DLG2: variants seen among roughly 807,000 people sequenced by gnomAD.
DLG2 encodes discs large MAGUK scaffold protein 2, also known as disks large homolog 2.
In DLG2, 45 loss-of-function variants were observed where a neutral mutation model predicts 132.5. That is an observed-to-expected ratio of 0.34 (90% CI 0.27 to 0.44). The LOEUF is 0.44. Among genes scored for constraint, DLG2 ranks in the 20% least tolerant of loss-of-function variants. The pLI is 1.00. For synonymous variants in DLG2, 424 were observed against 419.6 expected, an observed-to-expected ratio of 1.01 and a Z score of -0.13; for missense variants, 1,045 against 1,196.9, an observed-to-expected ratio of 0.87 and a Z score of 1.87.
chr11:85,556,618 A>G (rs1279618993), intron 3 of DLG2, among the ~76,000 whole-genome samples: 1 of 151,908 alleles, frequency 6.6e-6, no homozygotes, highest in African/African-American at 2.4e-5. Context: ...TAACTAATTT[A>G]CTTATTAAGA....
At chr11:84,986,134 A>T (rs370005196) in intron 6 of DLG2, among the ~76,000 whole-genome samples, 32 of 152,050 alleles carry the variant, frequency 2.1e-4, no homozygotes, top group African/African-American at 7.0e-4. Context: ...TACAACTGAC[A>T]CCACAGAGTT....
intron 11 of DLG2, among the ~76,000 whole-genome samples, chr11:84,017,152 G>A (rs1241798912): frequency 6.6e-6 from 1 of 151,936 alleles, no homozygotes; most frequent in African/African-American, 2.4e-5. Context: ...TTTCAAACTG[G>A]GAAGAGCAAA....
intron 3 of DLG2, among the ~76,000 whole-genome samples, chr11:85,358,525 A>G (rs1447163722): frequency 1.3e-5 from 2 of 152,194 alleles, no homozygotes; most frequent in African/African-American, 2.4e-5. Flanking sequence ...ACCAGAGATA[A>G]TGAGGTGCTG....
chr11:84,637,212 C>A (rs1349161511), intron 6 of DLG2, among the ~76,000 whole-genome samples: 2 of 152,108 alleles, frequency 1.3e-5, no homozygotes, highest in Non-Finnish European at 2.9e-5. Context: ...TCAGATAAGG[C>A]CACCTCGAGA....
intron 8 of DLG2, among the ~76,000 whole-genome samples, chr11:84,192,796 A>T (rs917671885): frequency 2.0e-5 from 3 of 152,192 alleles, no homozygotes; most frequent in African/African-American, 4.8e-5. Context: ...AATGTTTCTT[A>T]TGAATTAAAC....
intron 6 of DLG2, among the ~76,000 whole-genome samples, chr11:84,883,858 T>C (rs1237458100): frequency 6.6e-6 from 1 of 152,152 alleles, no homozygotes; most frequent in Non-Finnish European, 1.5e-5. Flanking sequence ...GCTGTGTGTC[T>C]GGATCTTCAT....
At position 83,790,249 on chromosome 11, in the gene DLG2, A is replaced by T. The variant is rs555933318; in HGVS notation, c.1723-3457T>A. 9.3e-5 allele frequency: 85 copies of T among 915,450 alleles called. No individual in the cohort carries two copies. The South Asian group carries it at 1.1e-3, about 12-fold the overall frequency. 56.7% of individuals were successfully genotyped at this position (915,450 alleles called of 1,614,324 possible). A position where few individuals can be genotyped will look rare whatever the true frequency, so the allele number is the denominator to read the frequency against. The stretch of plus-strand genomic sequence containing the variant: ...TATGCCCTTCCACATTTGGCTGTTC[A>T]TAAAAGCTAAACCTACCATTTGAGT... On this transcript the variant is annotated intron_variant, in intron 17 of 27. Coordinates refer to ENST00000376104, the MANE Select transcript of DLG2 (RefSeq NM_001142699.3).
chr11:84,383,264 A>C (rs533377425), intron 7 of DLG2, among the ~76,000 whole-genome samples: 1 of 151,588 alleles, frequency 6.6e-6, no homozygotes, highest in Non-Finnish European at 1.5e-5. Context: ...TCCCCCGAGA[A>C]GATTTTCTGG....
At chr11:84,552,090 C>G (rs61897759) in intron 6 of DLG2, among the ~76,000 whole-genome samples, 89 of 152,142 alleles carry the variant, frequency 5.8e-4, no homozygotes, top group African/African-American at 2.1e-3. Flanking sequence ...ATCTCAGTAA[C>G]CCCCTGGCAC....
chr11:84,011,448 G>T (rs1200579261), intron 11 of DLG2, among the ~76,000 whole-genome samples: 1 of 151,944 alleles, frequency 6.6e-6, no homozygotes, highest in Non-Finnish European at 1.5e-5. Context: ...TCCAGCTTGG[G>T]TGACAGAGTA....
chr11:83,888,748 C>T (rs575496378), intron 15 of DLG2, among the ~76,000 whole-genome samples: 1 of 152,064 alleles, frequency 6.6e-6, no homozygotes, highest in South Asian at 2.1e-4. Flanking sequence ...GTACTGGTAC[C>T]AAAACAGAGA....
At position 84,113,331 on chromosome 11, in the gene DLG2, G is replaced by A. The variant is rs1418185876; in HGVS notation, c.625-14284C>T. 2.0e-5 allele frequency among the ~76,000 whole-genome samples: 3 copies of A among 152,086 alleles called. No homozygotes were observed. In the East Asian group the frequency reaches 5.8e-4, roughly 29 times the overall value. ...TTCTATAGAAAAATAAAAATACTGT[G>A]CAATTATTTCAGTTGCAAGCTAAAC... On this transcript the variant is annotated intron_variant, in intron 9 of 27. Coordinates refer to ENST00000376104, the MANE Select transcript of DLG2 (RefSeq NM_001142699.3).
intron 19 of DLG2, among the ~76,000 whole-genome samples, chr11:83,560,448 A>G (rs1309157809): frequency 6.6e-6 from 1 of 152,160 alleles, no homozygotes; most frequent in Non-Finnish European, 1.5e-5. Context: ...CATTTGGAGG[A>G]AAAGTACAAG....
chr11:84,404,993 T>C (rs79192978), intron 7 of DLG2, among the ~76,000 whole-genome samples: 4,991 of 152,168 alleles, frequency 0.033, 138 homozygotes, highest in South Asian at 0.16. Context: ...ACTATTATAA[T>C]AGGGAAAAGG....
chr11:83,939,223 A>G (rs142963456), intron 14 of DLG2, among the ~76,000 whole-genome samples: 1 of 152,300 alleles, frequency 6.6e-6, no homozygotes, highest in Non-Finnish European at 1.5e-5. Flanking sequence ...CTTTGGGCCA[A>G]GTACACTCCC....
intron 6 of DLG2, among the ~76,000 whole-genome samples, chr11:84,557,926 T>A (rs1014831467): frequency 6.6e-6 from 1 of 152,178 alleles, no homozygotes; most frequent in African/African-American, 2.4e-5. Context: ...AATATACCAA[T>A]TTACAAACTA....
chr11:84,952,909 G>A (rs1480831418), intron 6 of DLG2, among the ~76,000 whole-genome samples: 1 of 152,154 alleles, frequency 6.6e-6, no homozygotes, highest in African/African-American at 2.4e-5. Flanking sequence ...GGTTTTCCGT[G>A]AGCTGAAACT....
chr11:84,130,758 C>A (rs1175579909), intron 9 of DLG2, among the ~76,000 whole-genome samples: 4 of 151,758 alleles, frequency 2.6e-5, no homozygotes, highest in Non-Finnish European at 4.4e-5. Context: ...AACCAAACTA[C>A]AGGGTAAAGA....
chr11:85,433,904 C>A (rs2091331858), intron 3 of DLG2, among the ~76,000 whole-genome samples: 1 of 152,136 alleles, frequency 6.6e-6, no homozygotes, highest in Admixed American at 6.5e-5. Context: ...GTAAAATTGA[C>A]CACATAATTA....
Sources: allele counts gnomAD v4.1 joint callset (sites outside exome capture counted in the v4.1 genomes callset), GRCh38; gene constraint gnomAD v4.1.1; transcripts MANE v1.5; gene names NCBI Gene and HGNC (gene_info 2026-07-23, HGNC 2026-07-21).